The following RGL1 variants were observed in gnomAD, a reference collection of about 807,000 sequenced individuals.
RGL1 encodes the protein ral guanine nucleotide dissociation stimulator-like 1.
In RGL1, 24 loss-of-function variants were observed where a neutral mutation model predicts 95.2. The observed-to-expected ratio is 0.25, with a 90% CI of 0.18 to 0.35. The LOEUF (loss-of-function observed/expected upper bound fraction) is 0.35, where lower values mean the gene tolerates loss of function less well. RGL1 is among the 10% of genes least tolerant of loss of function. The pLI, the probability that RGL1 is intolerant of heterozygous loss-of-function variation, is 1.00. For synonymous variants in RGL1, 329 were observed against 344.9 expected, an observed-to-expected ratio of 0.95 and a Z score of 0.51; for missense variants, 715 against 936.3, an observed-to-expected ratio of 0.76 and a Z score of 3.08.
At chr1:183,911,459 C>A (rs58246474) in intron 14 of RGL1, among the ~76,000 whole-genome samples, 1,859 of 152,248 alleles carry the variant, frequency 0.012, 49 homozygotes, top group African/African-American at 0.043. Flanking sequence ...GCATTAAAAC[C>A]CATATCACTA....
intron 2 of RGL1, chr1:183,754,709 G>C (rs1005281716): frequency 1.6e-4 from 25 of 152,212 alleles, no homozygotes; most frequent in African/African-American, 5.8e-4. Flanking sequence ...CAGATGTGAG[G>C]GATGTGTGAT....
At chr1:183,752,094 T>A (rs1396099461) in intron 2 of RGL1, among the ~76,000 whole-genome samples, 1 of 152,164 alleles carries the variant, frequency 6.6e-6, no homozygotes, top group Non-Finnish European at 1.5e-5. Context: ...TTTGAGTTGA[T>A]ATGTGCAAGT....
chr1:183,869,101 G>A lies in RGL1; in HGVS notation c.425+3028G>A, dbSNP rs568322068. ...CCACTGCACTCCAGCCTGGGCAACA[G>A]AGTGAGTGAGACCTTGTCTTAAAAG... On this transcript the variant is annotated intron_variant, in intron 4 of 17. Coordinates refer to ENST00000360851, the MANE Select transcript of RGL1 (RefSeq NM_001297671.3). Among the ~76,000 whole-genome samples, 4 of 152,334 alleles carry A rather than the reference G, an allele frequency of 2.6e-5. No individual in the cohort carries two copies. The South Asian group carries it at 8.3e-4, about 32-fold the overall frequency.
chr1:183,815,846 C>T (rs1408485677), intron 2 of RGL1, among the ~76,000 whole-genome samples: 2 of 152,140 alleles, frequency 1.3e-5, no homozygotes, highest in Admixed American at 6.5e-5. Context: ...GGGCTCTCGT[C>T]AGCACCCCCA....
At chr1:183,907,285 C>T (rs1668391478) in intron 14 of RGL1, among the ~76,000 whole-genome samples, 184 bp downstream of exon 14, 1 of 152,208 alleles carries the variant, frequency 6.6e-6, no homozygotes, top group Non-Finnish European at 1.5e-5. Flanking sequence ...CTCCACTCCC[C>T]TCTCTGTTGT....
At chr1:183,799,785 G>A (rs1432015225) in intron 2 of RGL1, among the ~76,000 whole-genome samples, 1 of 152,098 alleles carries the variant, frequency 6.6e-6, no homozygotes, top group Non-Finnish European at 1.5e-5. Context: ...TACTTTCACT[G>A]TCCTTACTTT....
intron 2 of RGL1, among the ~76,000 whole-genome samples, chr1:183,819,295 T>A (rs766270317): frequency 7.2e-5 from 11 of 152,302 alleles, no homozygotes; most frequent in Middle Eastern, 6.8e-3. Flanking sequence ...CCTGTTACTC[T>A]GAGATTTATG....
chr1:183,782,000 G>A (rs1180736285), intron 2 of RGL1, among the ~76,000 whole-genome samples: 2 of 152,144 alleles, frequency 1.3e-5, no homozygotes, highest in Non-Finnish European at 2.9e-5. Context: ...TGTTTTCTGT[G>A]TTCTAGTTTA....
chr1:183,829,891 C>T (rs1341428278), intron 2 of RGL1, among the ~76,000 whole-genome samples: 1 of 152,128 alleles, frequency 6.6e-6, no homozygotes, highest in Non-Finnish European at 1.5e-5. Context: ...AAGACAAAAC[C>T]TGATCCTCTC....
At chr1:183,794,047 A>G (rs1050863670) in intron 2 of RGL1, among the ~76,000 whole-genome samples, 31 of 134,504 alleles carry the variant, frequency 2.3e-4, no homozygotes, top group Admixed American at 2.3e-3. Context: ...ATGGGTAAAG[A>G]AAATGTGGAC....
intron 1 of RGL1, among the ~76,000 whole-genome samples, chr1:183,721,779 A>G (rs1169442334): frequency 6.6e-6 from 1 of 152,234 alleles, no homozygotes; most frequent in Non-Finnish European, 1.5e-5. Context: ...CAGCTTAAAC[A>G]TCACCTCCTC....
intron 2 of RGL1, among the ~76,000 whole-genome samples, chr1:183,775,742 C>G (rs1659557012): frequency 6.6e-6 from 1 of 152,164 alleles, no homozygotes; most frequent in East Asian, 1.9e-4. Context: ...CAATGATTGG[C>G]ATATAGCAAG....
chr1:183,891,171 A>G (rs536739721), intron 8 of RGL1, among the ~76,000 whole-genome samples: 24 of 152,250 alleles, frequency 1.6e-4, no homozygotes, highest in African/African-American at 5.8e-4. Flanking sequence ...GTAATATTAC[A>G]CTCACTATAA....
At chr1:183,924,293 A>C (rs1371606974) in intron 17 of RGL1, among the ~76,000 whole-genome samples, 1 of 152,250 alleles carries the variant, frequency 6.6e-6, no homozygotes, top group Non-Finnish European at 1.5e-5. Context: ...GTGATAAAAA[A>C]GGATGAGTTC....
rs940271738 is a variant in RGL1, at chr1:183,724,414, C to T, written c.-32-17712C>T. Among the ~76,000 whole-genome samples, 1 of 152,078 alleles carries T rather than the reference C, an allele frequency of 6.6e-6. No homozygotes were observed. The highest frequency in any genetic ancestry group is 1.5e-5 in the Non-Finnish European group (1 of 68,004). ...CTTGGACAGCATTTCTGGACGTCCCCTAGGCCAGAGGGGAGCCCACTTCCC... is the reference window on the plus strand; with the variant it reads ...CTTGGACAGCATTTCTGGACGTCCCTTAGGCCAGAGGGGAGCCCACTTCCC... On this transcript the variant is annotated intron_variant, in intron 1 of 18. Coordinates refer to the RGL1 transcript ENST00000304685. This position sits in a 1 kb window ranked among gnomAD's most constrained non-coding sequence, Gnocchi z 4.1.
chr1:183,653,728 T>C (rs954038962), intron 1 of RGL1, among the ~76,000 whole-genome samples: 1 of 152,204 alleles, frequency 6.6e-6, no homozygotes, highest in African/African-American at 2.4e-5. Context: ...GTTAGCGGTT[T>C]CCCTCCTCTT....
intron 2 of RGL1, among the ~76,000 whole-genome samples, chr1:183,807,384 T>C (rs1045059409): frequency 4.6e-5 from 7 of 152,228 alleles, no homozygotes; most frequent in African/African-American, 4.8e-5. Flanking sequence ...TTTTAGCCGA[T>C]GGGCTTCAGA....
intron 4 of RGL1, among the ~76,000 whole-genome samples, chr1:183,879,134 A>G (rs955223628): frequency 7.2e-5 from 11 of 152,202 alleles, no homozygotes; most frequent in Admixed American, 1.3e-4. Context: ...TGATGGTTTC[A>G]TGTATCTACT....
intron 1 of RGL1, among the ~76,000 whole-genome samples, chr1:183,666,600 G>A (rs547028328): frequency 3.3e-5 from 5 of 151,478 alleles, no homozygotes; most frequent in Admixed American, 6.6e-5. Flanking sequence ...CCATCCACCT[G>A]ATTTCAGCCT....
Sources: gnomAD v4.1 joint callset for allele counts (sites outside exome capture counted in the v4.1 genomes callset) on GRCh38, gnomAD v4.1.1 for gene constraint, Gnocchi (gnomAD v3.1) non-coding constraint, MANE v1.5 for transcripts, NCBI Gene and HGNC (gene_info 2026-07-23, HGNC 2026-07-21) for gene names.